Variants in ZSCAN5A observed in about 807,000 individuals in gnomAD.
ZSCAN5A encodes the protein zinc finger and SCAN domain-containing protein 5A.
Under a neutral mutation model 23.7 loss-of-function variants are expected in ZSCAN5A, and 12 were observed. That is an observed-to-expected ratio of 0.51 (90% confidence interval 0.32 to 0.82). The LOEUF is 0.82. ZSCAN5A is among the 40% of genes least tolerant of loss of function. The pLI is 0.03. For synonymous variants in ZSCAN5A, 257 were observed against 239.9 expected (o/e 1.07, Z -0.66); for missense variants, 597 against 617.9 (o/e 0.97, Z 0.36).
chr19:56,252,270 G>A (rs1053095969), intron 2 of ZSCAN5A, among the ~76,000 whole-genome samples: 1 of 152,138 alleles, frequency 6.6e-6, no homozygotes, highest in African/African-American at 2.4e-5. Context: ...ATGGATTCAG[G>A]TGCACCTACC....
rs775020559 is a variant in ZSCAN5A, at chr19:56,245,206, T to G, written c.-127-20033A>C. ...GGTTCTCATAGTGAGTCTGATTGTC[T>G]TTTTTCTCTCTACAGTCTGTGGTCA... is the stretch of plus-strand genomic sequence containing the variant. On this transcript the variant is annotated intron_variant, in intron 2 of 5. Transcript: ENST00000683990. 5.6e-5 allele frequency: 31 copies of G among 552,966 alleles called. 1 individual carries two copies. In the Middle Eastern group the frequency reaches 1.4e-3, roughly 25 times the overall value. The allele number at this position is 552,966 out of a possible 1,614,324, so 34.3% of individuals were successfully genotyped here. A position where few individuals can be genotyped will look rare whatever the true frequency, so the allele number is the denominator to read the frequency against.
chr19:56,256,568 C>T (rs1021304311), intron 2 of ZSCAN5A, among the ~76,000 whole-genome samples: 2 of 152,248 alleles, frequency 1.3e-5, no homozygotes, highest in Non-Finnish European at 2.9e-5. Flanking sequence ...TACATACATG[C>T]ATTATATATA....
intron 2 of ZSCAN5A, chr19:56,244,521 A>G: frequency 7.3e-7 from 1 of 1,361,360 alleles, no homozygotes; most frequent in Non-Finnish European, 1.0e-6. Context: ...GGGCTGCTCT[A>G]GGTCAGGGCT....
chr19:56,272,931 A>C (rs541947522), intron 2 of ZSCAN5A: 2 of 981,050 alleles, frequency 2.0e-6, no homozygotes, highest in South Asian at 9.4e-5. Context: ...TAATGCTTCC[A>C]GCCATGCCTT....
At chr19:56,303,096 T>C (rs1487215706) in intron 2 of ZSCAN5A, 5 of 385,506 alleles carry the variant, frequency 1.3e-5, no homozygotes, top group Admixed American at 4.5e-5. Flanking sequence ...AGAATGGAAT[T>C]AGCCAATTGA....
intron 2 of ZSCAN5A, among the ~76,000 whole-genome samples, chr19:56,231,305 C>G (rs1215661320): frequency 6.6e-6 from 1 of 152,128 alleles, no homozygotes; most frequent in Non-Finnish European, 1.5e-5. Flanking sequence ...TAGCATTGCA[C>G]GTTGTATATA....
chr19:56,314,915 T>C (rs1157797956), upstream of ZSCAN5A: 1 of 152,252 alleles, frequency 6.6e-6, no homozygotes, highest in Non-Finnish European at 1.5e-5. Context: ...CTCAGAGGGC[T>C]GAACTAGAAT....
Position 56,322,003 on chromosome 19 carries a change from G to A in ZSCAN5A, c.-357-5735C>T. On this transcript the variant is annotated intron_variant, in intron 2 of 6. Transcript: ENST00000587340. ...TGCTTCTGCTGCTGGTCCCTGGTAA[G>A]TAATCATCTCTTTCTACAAGGCTGT... is the stretch of plus-strand genomic sequence containing the variant. The A allele has an allele frequency of 3.9e-6, 3 of 779,042 alleles. No individual in the cohort carries two copies. In the South Asian group the frequency reaches 4.0e-5, roughly 10 times the overall value. The allele number at this position is 779,042 out of a possible 1,614,324, so 48.3% of individuals were successfully genotyped here. A position where few individuals can be genotyped will look rare whatever the true frequency, so the allele number is the denominator to read the frequency against.
chr19:56,336,486 T>G (rs1351397852), intron 2 of ZSCAN5A, among the ~76,000 whole-genome samples: 1 of 152,216 alleles, frequency 6.6e-6, no homozygotes, highest in Non-Finnish European at 1.5e-5. Context: ...GCCATTCGTC[T>G]AATTTTTTTT....
At chr19:56,225,621 C>T (rs2033849172) in intron 2 of ZSCAN5A, among the ~76,000 whole-genome samples, 1 of 152,194 alleles carries the variant, frequency 6.6e-6, no homozygotes. Context: ...CATTTACTTG[C>T]TCCAGGGAAG....
intron 2 of ZSCAN5A, among the ~76,000 whole-genome samples, chr19:56,330,204 T>C (rs1464270047): frequency 6.6e-6 from 1 of 152,250 alleles, no homozygotes; most frequent in Non-Finnish European, 1.5e-5. Context: ...ATGGTGTATA[T>C]GTACCACATT....
At chr19:56,243,127 C>G (rs922349161) in intron 2 of ZSCAN5A, among the ~76,000 whole-genome samples, 2 of 148,000 alleles carry the variant, frequency 1.4e-5, no homozygotes, top group Non-Finnish European at 3.0e-5. Context: ...TCATAGAGCA[C>G]TAGACTTTAA....
intron 2 of ZSCAN5A, among the ~76,000 whole-genome samples, chr19:56,252,595 C>A (rs1250695749): frequency 1.3e-5 from 2 of 152,186 alleles, no homozygotes; most frequent in African/African-American, 4.8e-5. Context: ...CCCACTGGCA[C>A]TAGAAGAGGG....
chr19:56,290,032 G>T (rs77480487), intron 2 of ZSCAN5A, among the ~76,000 whole-genome samples: 1 of 152,174 alleles, frequency 6.6e-6, no homozygotes, highest in Non-Finnish European at 1.5e-5. Flanking sequence ...CAAGAGCACT[G>T]GTCAAATGGA....
chr19:56,350,307 T>C (rs943739183), intron 2 of ZSCAN5A, among the ~76,000 whole-genome samples: 5 of 152,228 alleles, frequency 3.3e-5, no homozygotes. Context: ...AGAGATTTTA[T>C]GTACGGAAGG....
intron 2 of ZSCAN5A, among the ~76,000 whole-genome samples, chr19:56,358,207 A>G (rs530692927): frequency 6.7e-6 from 1 of 148,720 alleles, no homozygotes; most frequent in East Asian, 1.9e-4. Context: ...TGCAACCTCC[A>G]CTTTTCAGGA....
intron 2 of ZSCAN5A, among the ~76,000 whole-genome samples, chr19:56,357,397 T>C (rs1046764068): frequency 6.7e-5 from 10 of 148,424 alleles, no homozygotes; most frequent in Admixed American, 3.3e-4. Context: ...ACACGCAGTA[T>C]TTTGATACAT....
chr19:56,267,739 C>T (rs762621433), intron 2 of ZSCAN5A, among the ~76,000 whole-genome samples: 3 of 152,162 alleles, frequency 2.0e-5, no homozygotes, highest in Non-Finnish European at 4.4e-5. Context: ...GCTTTTAGAT[C>T]TCACTTTTTT....
intron 2 of ZSCAN5A, among the ~76,000 whole-genome samples, chr19:56,305,031 T>C (rs1253130244): frequency 1.3e-5 from 2 of 152,136 alleles, no homozygotes; most frequent in Admixed American, 6.5e-5. Context: ...GGAAACACAT[T>C]GTAAATGACA....
Sources: allele counts gnomAD v4.1 joint callset (sites outside exome capture counted in the v4.1 genomes callset), GRCh38; gene constraint gnomAD v4.1.1; transcripts MANE v1.5; gene names NCBI Gene and HGNC (gene_info 2026-07-23, HGNC 2026-07-21).